FAF1: variants seen among roughly 807,000 people sequenced by gnomAD.
FAF1 encodes FAS-associated factor 1.
A neutral mutation model predicts 92.5 loss-of-function variants in FAF1; 25 were observed. That is an observed-to-expected ratio of 0.27 (90% CI 0.20 to 0.38). The LOEUF (loss-of-function observed/expected upper bound fraction) is 0.38, where lower values mean the gene tolerates loss of function less well. Among genes scored for constraint, FAF1 ranks in the 10% least tolerant of loss-of-function variants. The pLI is 1.00. For missense variants in FAF1, 636 were observed against 793.3 expected (o/e 0.80, Z 2.38); for synonymous variants, 234 against 273.2 (o/e 0.86, Z 1.42).
At chr1:50,825,493 CATCTCTAA>C (rs1431825692) in intron 2 of FAF1, among the ~76,000 whole-genome samples, 1 of 151,760 alleles carries the variant, frequency 6.6e-6, no homozygotes, top group Admixed American at 6.6e-5. Context: ...GAATATGTAT[CATCTCTAA>C]ATCTGTAGAT....
intron 4 of FAF1, chr1:50,781,149 G>C (rs1202926078): frequency 3.7e-6 from 1 of 268,666 alleles, no homozygotes; most frequent in Non-Finnish European, 7.4e-6. Flanking sequence ...GGGTGCCCCG[G>C]TGAGGGTCTA....
intron 14 of FAF1, among the ~76,000 whole-genome samples, chr1:50,537,087 C>G (rs920904949): frequency 6.6e-6 from 1 of 152,224 alleles, no homozygotes; most frequent in East Asian, 1.9e-4. Flanking sequence ...GCCACCACAC[C>G]TAACCAATGT....
intron 2 of FAF1, among the ~76,000 whole-genome samples, chr1:50,833,473 C>A (rs1181984059): frequency 6.6e-6 from 1 of 152,154 alleles, no homozygotes; most frequent in Non-Finnish European, 1.5e-5. Context: ...CACCTCACTG[C>A]ATTCACCAAT....
intron 13 of FAF1, among the ~76,000 whole-genome samples, chr1:50,553,616 C>A (rs1197946749): frequency 6.6e-6 from 1 of 152,144 alleles, no homozygotes; most frequent in African/African-American, 2.4e-5. Flanking sequence ...CCAGACAAAC[C>A]TCCTCTAGAG....
chr1:50,552,100 GC>G (rs1177204694), intron 13 of FAF1, among the ~76,000 whole-genome samples: 1 of 152,002 alleles, frequency 6.6e-6, no homozygotes, highest in African/African-American at 2.4e-5. Flanking sequence ...TCCGAGACCA[GC>G]CTGGCCAACA....
chr1:50,869,332 A>C (rs1644508267), intron 1 of FAF1, among the ~76,000 whole-genome samples: 1 of 152,112 alleles, frequency 6.6e-6, no homozygotes, highest in South Asian at 2.1e-4. Context: ...TCTATATCAA[A>C]GTATTTAAAG....
intron 2 of FAF1, among the ~76,000 whole-genome samples, chr1:50,820,311 G>A (rs1252875686): frequency 6.6e-6 from 1 of 152,140 alleles, no homozygotes; most frequent in Non-Finnish European, 1.5e-5. Context: ...CCCATGTGAT[G>A]TTGGTGATGT....
intron 12 of FAF1, among the ~76,000 whole-genome samples, chr1:50,568,483 CA>C (rs1336710155): frequency 6.6e-6 from 1 of 152,046 alleles, no homozygotes; most frequent in East Asian, 1.9e-4. Flanking sequence ...TTGTTTTCTT[CA>C]AAGGTAAATT....
intron 18 of FAF1, among the ~76,000 whole-genome samples, chr1:50,446,512 G>T (rs1646228721): frequency 6.6e-6 from 1 of 152,100 alleles, no homozygotes; most frequent in Non-Finnish European, 1.5e-5. Flanking sequence ...AAACATTTCT[G>T]GTCCCATGCA....
At chr1:50,878,390 G>C (rs1240147892) in intron 1 of FAF1, among the ~76,000 whole-genome samples, 2 of 152,194 alleles carry the variant, frequency 1.3e-5, no homozygotes, top group African/African-American at 2.4e-5. Context: ...TAAGAGGCTA[G>C]GATTCTAGTC....
chr1:50,902,881 G>A (rs925435745), intron 1 of FAF1, among the ~76,000 whole-genome samples: 11 of 151,880 alleles, frequency 7.2e-5, no homozygotes, highest in East Asian at 5.8e-4. Context: ...TGGAAATGCC[G>A]AACTCAAGAA....
intron 8 of FAF1, among the ~76,000 whole-genome samples, chr1:50,618,414 G>GTTTTTTTTTTTTTTTTTTT (rs540421778): frequency 2.7e-5 from 3 of 111,886 alleles, no homozygotes; most frequent in Non-Finnish European, 3.6e-5. Context: ...AGTTTTTAGA[G>GTTTTTTTTTTTTTTTTTTT]TTTTTTTTTT....
rs370899750 is a variant in FAF1 at position 50,706,066 on chromosome 1, G to A, written c.552-175C>T. ...GAGAACACACTGAGAACAACCAAGGGGAGCTAACCTGTTAACTCTTTCTCT... is the reference window on the plus strand; with the variant it reads ...GAGAACACACTGAGAACAACCAAGGAGAGCTAACCTGTTAACTCTTTCTCT... On this transcript the variant is annotated intron_variant, in intron 6 of 18. Coordinates refer to ENST00000396153, the MANE Select transcript of FAF1 (RefSeq NM_007051.3). The A allele has an allele frequency of 2.6e-5, 13 of 502,646 alleles. 1 individual carries two copies. The highest frequency in any genetic ancestry group is 2.5e-4 in the African/African-American group (13 of 52,568). 31.1% of individuals were successfully genotyped at this position (502,646 alleles called of 1,614,324 possible).
intron 6 of FAF1, among the ~76,000 whole-genome samples, chr1:50,719,144 G>C (rs148680930): frequency 6.6e-6 from 1 of 152,108 alleles, no homozygotes; most frequent in Middle Eastern, 3.2e-3. Flanking sequence ...ATTGTCTCAG[G>C]AACAGCATAA....
chr1:50,539,738 G>T lies in FAF1; in HGVS notation c.1269-10C>A. ...GCACATAGTGAGAAATCTAAAAGGA[G>T]ACAAAATACAAAGTAAGTTTTGCTT... is the stretch of plus-strand genomic sequence containing the variant. On this transcript the variant is annotated splice_polypyrimidine_tract_variant and intron_variant, in intron 13 of 18. Transcript: ENST00000396153. The T allele has an allele frequency of 6.2e-7, 1 of 1,601,332 alleles. No individual in the cohort carries two copies.
chr1:50,926,809 T>C (rs1645009520), intron 1 of FAF1, among the ~76,000 whole-genome samples: 1 of 152,176 alleles, frequency 6.6e-6, no homozygotes. Flanking sequence ...TCAAGACATA[T>C]TTATCCACCC....
At chr1:50,746,113 C>T (rs918682002) in intron 4 of FAF1, among the ~76,000 whole-genome samples, 11 of 151,208 alleles carry the variant, frequency 7.3e-5, no homozygotes, top group African/African-American at 2.2e-4. Context: ...ATCTGTGGAA[C>T]TTTGAAGTTG....
chr1:50,888,259 C>G (rs576437887), intron 1 of FAF1, among the ~76,000 whole-genome samples: 43 of 152,126 alleles, frequency 2.8e-4, no homozygotes, highest in African/African-American at 8.2e-4. Flanking sequence ...TTGCTTATCA[C>G]CTTAAGGAGA....
At chr1:50,632,341 A>T (rs1653827897) in intron 8 of FAF1, among the ~76,000 whole-genome samples, 1 of 152,214 alleles carries the variant, frequency 6.6e-6, no homozygotes, top group Non-Finnish European at 1.5e-5. Flanking sequence ...CACAAATCAG[A>T]TCTCCAGTTT....
Sources: allele counts gnomAD v4.1 joint callset (sites outside exome capture counted in the v4.1 genomes callset), GRCh38; gene constraint gnomAD v4.1.1; transcripts MANE v1.5; gene names NCBI Gene and HGNC (gene_info 2026-07-23, HGNC 2026-07-21).